Variants in COL19A1 observed in about 807,000 individuals in gnomAD.
COL19A1 encodes the protein collagen alpha-1(XIX) chain.
In COL19A1, 159 loss-of-function variants were observed where a neutral mutation model predicts 190.2. The observed-to-expected ratio is 0.84, with a 90% CI of 0.73 to 0.95. The LOEUF is 0.95. COL19A1 is among the 40% of genes least tolerant of loss of function. The pLI is 0.00. For synonymous variants in COL19A1, 509 were observed against 458.9 expected, an observed-to-expected ratio of 1.11 and a Z score of -1.39; for missense variants, 1,418 against 1,431.9, an observed-to-expected ratio of 0.99 and a Z score of 0.16.
chr6:70,064,847 C>G (rs971390671), intron 14 of COL19A1, among the ~76,000 whole-genome samples: 7 of 152,164 alleles, frequency 4.6e-5, no homozygotes, highest in Non-Finnish European at 1.0e-4. Context: ...TGAGTGAACT[C>G]CCATTCACAA....
chr6:70,005,457 A>G (rs917110910), intron 11 of COL19A1, among the ~76,000 whole-genome samples: 1 of 152,082 alleles, frequency 6.6e-6, no homozygotes, highest in Non-Finnish European at 1.5e-5. Context: ...TTCAGGCCCT[A>G]TTCATCTGGT....
At chr6:69,884,300 A>G (rs558677407) in intron 2 of COL19A1, among the ~76,000 whole-genome samples, 1 of 151,804 alleles carries the variant, frequency 6.6e-6, no homozygotes, top group African/African-American at 2.4e-5. Context: ...AGATCACGCC[A>G]TTGCACTCCA....
At position 70,207,250 on chromosome 6, in the gene COL19A1, C is replaced by T. The variant is rs139638138; in HGVS notation, c.3405C>T (p.Ala1135=). 1.9e-4 allele frequency: 299 copies of T among 1,613,948 alleles called. No homozygotes were observed. The African/African-American group carries it at 2.7e-3, about 14-fold the overall frequency. ...PEDCLYPVSH[A]HQRTGGN ...ATTGCCTCTATCCTGTGTCTCATGC[C>T]CATCAGCGCACAGGTGGGAATTGAA... Residue 1135 remains alanine (A), a synonymous_variant, in exon 51 of 51, where the codon GCC becomes GCT. Coordinates refer to ENST00000620364, the MANE Select transcript of COL19A1 (RefSeq NM_001858.6).
In COL19A1 at chr6:69,994,557, TC is replaced by T. The variant is rs376915053; in HGVS notation, c.1027-29068del. Among the ~76,000 whole-genome samples the T allele has an allele frequency of 3.8e-3, 575 of 152,248 alleles. 7 individuals are homozygous for T. The highest frequency in any genetic ancestry group is 0.013 in the African/African-American group (550 of 41,556). On this transcript the variant is annotated intron_variant, in intron 11 of 50. Transcript: ENST00000620364. ...CTCAGATGAGTATAAAATTTCATCT[TC>T]CTTCCTCATCAGCAAAATGAAATGA...
chr6:69,907,107 A>ATTTTTTT (rs56927758), intron 4 of COL19A1, among the ~76,000 whole-genome samples: 8 of 129,402 alleles, frequency 6.2e-5, no homozygotes, highest in South Asian at 2.5e-4. Context: ...TATTATTATT[A>ATTTTTTT]TTTTTTTTTT....
intron 4 of COL19A1, among the ~76,000 whole-genome samples, chr6:69,901,779 C>G (rs1447596604): frequency 3.3e-5 from 5 of 152,204 alleles, no homozygotes; most frequent in South Asian, 2.1e-4. Flanking sequence ...CTCTCCCCAT[C>G]TTCTTTCGGA....
intron 11 of COL19A1, among the ~76,000 whole-genome samples, chr6:69,999,367 C>CA (rs1235230616): frequency 2.0e-5 from 3 of 151,900 alleles, no homozygotes; most frequent in African/African-American, 7.2e-5. Flanking sequence ...CCTGTCTCTA[C>CA]AAAAAAATTT....
chr6:70,108,879 C>T (rs1784119932), intron 16 of COL19A1, among the ~76,000 whole-genome samples: 1 of 152,054 alleles, frequency 6.6e-6, no homozygotes, highest in Admixed American at 6.6e-5. Flanking sequence ...TGAATCATTG[C>T]ACAGTCCTGA....
chr6:69,924,750 G>A (rs1772241327), intron 4 of COL19A1, among the ~76,000 whole-genome samples: 1 of 152,140 alleles, frequency 6.6e-6, no homozygotes, highest in Non-Finnish European at 1.5e-5. Context: ...AGCACCTGTT[G>A]TTTCCTGACT....
At chr6:70,156,437 T>C (rs1245463706) in intron 33 of COL19A1, 68 bp downstream of exon 33, 11 of 1,445,008 alleles carry the variant, frequency 7.6e-6, no homozygotes, top group Non-Finnish European at 1.1e-5. Flanking sequence ...AGAACCCGAT[T>C]TGAAAATAGA....
chr6:70,187,500 C>CTCT (rs1172797133), intron 46 of COL19A1, among the ~76,000 whole-genome samples: 4 of 434 alleles, frequency 9.2e-3, no homozygotes, highest in Admixed American at 0.028. Context: ...TAATGAGATC[C>CTCT]AGGGGAAAGC....
chr6:70,026,865 G>A (rs1024998807), intron 12 of COL19A1, among the ~76,000 whole-genome samples: 5 of 152,164 alleles, frequency 3.3e-5, no homozygotes, highest in Admixed American at 1.3e-4. Flanking sequence ...ACTAAAATTG[G>A]CCTTTAACTC....
At chr6:69,885,240 G>A (rs1295812363) in intron 2 of COL19A1, among the ~76,000 whole-genome samples, 4 of 152,112 alleles carry the variant, frequency 2.6e-5, no homozygotes, top group Non-Finnish European at 5.9e-5. Context: ...GAGGAAAGTG[G>A]GGCTGATAGT....
intron 4 of COL19A1, 152 bp from the exon 5 acceptor site, chr6:69,927,757 A>AT: frequency 2.0e-6 from 2 of 993,818 alleles, no homozygotes; most frequent in South Asian, 4.1e-5. Context: ...GTACCAGAAG[A>AT]TTTTTTAAAA....
In COL19A1 at chr6:70,122,085, A is replaced by G. The variant is rs1309825266; in HGVS notation, c.1341+143A>G. The G allele has an allele frequency of 5.6e-6, 3 of 532,302 alleles. No individual in the cohort carries two copies. In the East Asian group the frequency reaches 9.9e-5, roughly 18 times the overall value. The allele number at this position is 532,302 out of a possible 1,614,324, so 33.0% of individuals were successfully genotyped here. A position where few individuals can be genotyped will look rare whatever the true frequency, so the allele number is the denominator to read the frequency against. ...TAAACATCTTTCCATACTGAAAGCT[A>G]TGTTTTCAAAAACAAAAATAAAAAA... is the stretch of plus-strand genomic sequence containing the variant. On this transcript the variant is annotated intron_variant, in intron 17 of 50. Coordinates refer to ENST00000620364, the MANE Select transcript of COL19A1 (RefSeq NM_001858.6).
intron 15 of COL19A1, among the ~76,000 whole-genome samples, chr6:70,081,610 A>G (rs952119900): frequency 7.9e-5 from 12 of 152,208 alleles, no homozygotes; most frequent in African/African-American, 2.9e-4. Flanking sequence ...GCAGACCTAA[A>G]CAATAGGCTT....
intron 48 of COL19A1, among the ~76,000 whole-genome samples, chr6:70,195,162 T>TATATATAA (rs945354317): frequency 6.9e-6 from 1 of 145,744 alleles, no homozygotes; most frequent in African/African-American, 2.6e-5. Context: ...TATATATATA[T>TATATATAA]AAAGAGTTAA....
At chr6:70,019,589 G>A (rs2150101463) in intron 11 of COL19A1, among the ~76,000 whole-genome samples, 1 of 152,132 alleles carries the variant, frequency 6.6e-6, no homozygotes, top group East Asian at 1.9e-4. Flanking sequence ...ATCATAGAAT[G>A]GCTATTGGGA....
At chr6:70,163,475 C>A in intron 36 of COL19A1, 79 bp downstream of exon 36, 1 of 1,346,546 alleles carries the variant, frequency 7.4e-7, no homozygotes, top group Non-Finnish European at 1.0e-6. Flanking sequence ...CAGAGAGAGC[C>A]ATAAAATCAA....
Sources: gnomAD v4.1 joint callset for allele counts (sites outside exome capture counted in the v4.1 genomes callset) on GRCh38, gnomAD v4.1.1 for gene constraint, MANE v1.5 for transcripts, NCBI Gene and HGNC (gene_info 2026-07-23, HGNC 2026-07-21) for gene names.